CPED1: variants seen among roughly 807,000 people sequenced by gnomAD.
CPED1 encodes cadherin like and PC-esterase domain containing 1, also known as cadherin-like and PC-esterase domain-containing protein 1.
A neutral mutation model predicts 128.2 loss-of-function variants in CPED1; 114 were observed. The ratio of observed to expected loss-of-function variants is 0.89; its 90% CI spans 0.76 to 1.04. CPED1 has a LOEUF of 1.04. Ranked by LOEUF, CPED1 falls within the 50% of genes least tolerant of loss-of-function variation. The pLI is 0.00. For missense variants in CPED1, 1,211 were observed against 1,207.1 expected (o/e 1.00, Z -0.05); for synonymous variants, 462 against 426.7 (o/e 1.08, Z -1.02).
chr7:121,068,201 C>T (rs2116072829), intron 5 of CPED1, among the ~76,000 whole-genome samples: 1 of 152,294 alleles, frequency 6.6e-6, no homozygotes, highest in East Asian at 1.9e-4. Context: ...TGCCTATGTC[C>T]TGAATGGTAT....
chr7:121,110,587 A>G (rs1251894002), intron 7 of CPED1, among the ~76,000 whole-genome samples: 1 of 152,182 alleles, frequency 6.6e-6, no homozygotes, highest in African/African-American at 2.4e-5. Context: ...TCACATATTC[A>G]GAGAATGCCA....
intron 5 of CPED1, chr7:121,076,727 C>T (rs1391608094): frequency 2.0e-5 from 3 of 152,066 alleles, no homozygotes; most frequent in Non-Finnish European, 4.4e-5. Context: ...GTGTCTTCAT[C>T]CTAATGGTTC....
At chr7:121,030,811 G>C (rs972055442) in intron 3 of CPED1, among the ~76,000 whole-genome samples, 4 of 152,276 alleles carry the variant, frequency 2.6e-5, no homozygotes, top group East Asian at 1.9e-4. Context: ...TCCACTTGAG[G>C]GGGGAGGTCT....
At chr7:121,044,648 C>CTTTTTTTTTTTTGTTTTTTTTTTT (rs35159862) in intron 3 of CPED1, among the ~76,000 whole-genome samples, 1 of 69,540 alleles carries the variant, frequency 1.4e-5, no homozygotes, top group African/African-American at 5.1e-5. Context: ...TGACTTTCTG[C>CTTTTTTTTTTTTGTTTTTTTTTTT]TCTTTTTTTT....
At chr7:121,189,492 A>C (rs1797078133) in intron 16 of CPED1, among the ~76,000 whole-genome samples, 1 of 151,670 alleles carries the variant, frequency 6.6e-6, no homozygotes. Flanking sequence ...GCAAGGGGGA[A>C]ATCCACCCCC....
intron 16 of CPED1, among the ~76,000 whole-genome samples, chr7:121,187,472 A>T (rs1797029063): frequency 6.6e-6 from 1 of 152,154 alleles, no homozygotes; most frequent in South Asian, 2.1e-4. Flanking sequence ...TATGAAGAGG[A>T]TGGACAGGTA....
At chr7:121,226,981 A>G (rs1798029541) in intron 16 of CPED1, among the ~76,000 whole-genome samples, 1 of 152,128 alleles carries the variant, frequency 6.6e-6, no homozygotes, top group South Asian at 2.1e-4. Context: ...GCCAGTCTGT[A>G]CAAGGAATCC....
intron 14 of CPED1, among the ~76,000 whole-genome samples, chr7:121,136,776 A>G (rs561446831): frequency 6.6e-6 from 1 of 152,106 alleles, no homozygotes; most frequent in African/African-American, 2.4e-5. Context: ...AGTGGCATGC[A>G]CCTATATGCC....
chr7:121,124,228 A>C, intron 7 of CPED1, 103 bp from the exon 8 acceptor site: 1 of 1,032,394 alleles, frequency 9.7e-7, no homozygotes, highest in Non-Finnish European at 1.4e-6. Context: ...TGGGTGTGAC[A>C]AGTAGAGATA....
At chr7:121,293,853 C>A (rs1792764962) in intron 22 of CPED1, among the ~76,000 whole-genome samples, 2 of 151,980 alleles carry the variant, frequency 1.3e-5, no homozygotes, top group Non-Finnish European at 2.9e-5. Context: ...TCTAACCAGT[C>A]CCAGTGAGAT....
At chr7:121,230,547 G>C (rs1798112100) in intron 16 of CPED1, among the ~76,000 whole-genome samples, 1 of 152,060 alleles carries the variant, frequency 6.6e-6, no homozygotes, top group Non-Finnish European at 1.5e-5. Context: ...AGAAGATCAA[G>C]AATGTCAGCA....
intron 22 of CPED1, among the ~76,000 whole-genome samples, chr7:121,282,680 A>C (rs1311448696): frequency 6.6e-6 from 1 of 152,236 alleles, no homozygotes; most frequent in African/African-American, 2.4e-5. Context: ...CTGTGTGAAC[A>C]GATGATCTTG....
chr7:120,993,979 G>C (rs750935605), intron 2 of CPED1: 1 of 332,176 alleles, frequency 3.0e-6, no homozygotes. Context: ...GTGCAAAGGT[G>C]AAGTGGACTC....
At chr7:120,995,677 C>T (rs1796384868) in intron 2 of CPED1, among the ~76,000 whole-genome samples, 1 of 152,100 alleles carries the variant, frequency 6.6e-6, no homozygotes. Context: ...TGAATAGGAC[C>T]TGTCACCCAA....
At chr7:121,267,580 C>A (rs2691032) in intron 21 of CPED1, among the ~76,000 whole-genome samples, 20,699 of 151,512 alleles carry the variant, frequency 0.14, 2,242 homozygotes, top group African/African-American at 0.3. Flanking sequence ...AGATGATTTC[C>A]AAATGATTGC....
At chr7:121,112,358 G>T (rs1795133512) in intron 7 of CPED1, among the ~76,000 whole-genome samples, 1 of 152,130 alleles carries the variant, frequency 6.6e-6, no homozygotes, top group Admixed American at 6.5e-5. Flanking sequence ...ATAAGAGAAA[G>T]TCAGAGAGAG....
chr7:121,034,075 C>A (rs1032814754), intron 3 of CPED1, among the ~76,000 whole-genome samples: 1 of 152,020 alleles, frequency 6.6e-6, no homozygotes, highest in Non-Finnish European at 1.5e-5. Context: ...GCTAATTATA[C>A]ACTAAAACCG....
At chr7:121,225,484 T>C (rs577736136) in intron 16 of CPED1, among the ~76,000 whole-genome samples, 2 of 152,256 alleles carry the variant, frequency 1.3e-5, no homozygotes, top group East Asian at 3.9e-4. Context: ...AGGAGTATCT[T>C]TGTGGTGATC....
At chr7:121,098,769 T>TATATATAA (rs1439321554) in intron 6 of CPED1, among the ~76,000 whole-genome samples, 648 of 12,168 alleles carry the variant, frequency 0.053, 21 homozygotes, top group Middle Eastern at 0.5. Flanking sequence ...TATATATAAA[T>TATATATAA]ATATATATAT....
Sources: gnomAD v4.1 joint callset for allele counts (sites outside exome capture counted in the v4.1 genomes callset) on GRCh38, gnomAD v4.1.1 for gene constraint, MANE v1.5 for transcripts, NCBI Gene and HGNC (gene_info 2026-07-23, HGNC 2026-07-21) for gene names.